APOL5: variants seen among roughly 807,000 people sequenced by gnomAD.
APOL5 encodes apolipoprotein L5.
A neutral mutation model predicts 35.5 loss-of-function variants in APOL5; 29 were observed. The observed-to-expected ratio is 0.82, with a 90% CI of 0.61 to 1.11. The LOEUF is 1.11. APOL5 is among the 50% of genes most tolerant of loss of function. The pLI, the probability that APOL5 is intolerant of heterozygous loss-of-function variation, is 0.00. For missense variants in APOL5, 514 were observed against 530.4 expected, an observed-to-expected ratio of 0.97 and a Z score of 0.30; for synonymous variants, 188 against 200.2, an observed-to-expected ratio of 0.94 and a Z score of 0.51.
At chr22:35,714,365 T>C (rs1379767963), upstream of APOL5, among the ~76,000 whole-genome samples, 1 of 152,200 alleles carries the variant, frequency 6.6e-6, no homozygotes, top group South Asian at 2.1e-4. Context: ...CCTGCAACTC[T>C]TAATGGGTCC....
upstream of APOL5, among the ~76,000 whole-genome samples, chr22:35,714,010 C>T (rs1445140588): frequency 2.0e-5 from 3 of 152,120 alleles, no homozygotes; most frequent in Non-Finnish European, 2.9e-5. Context: ...ATACTCAAGT[C>T]AGAATACAAC....
At chr22:35,729,024 C>A in intron 4 of APOL5, 120 bp downstream of exon 4, 1 of 1,174,474 alleles carries the variant, frequency 8.5e-7, no homozygotes, top group East Asian at 3.0e-5. Flanking sequence ...GAGGTTGTTG[C>A]TACCTTTCCA....
At chr22:35,717,408 GAA>G (rs71191390), upstream of APOL5, among the ~76,000 whole-genome samples, 27 of 139,328 alleles carry the variant, frequency 1.9e-4, no homozygotes, top group South Asian at 4.6e-4. Flanking sequence ...CCAAATGAAA[GAA>G]AAAAAAAAAA....
chr22:35,717,967 G>T, intron 1 of APOL5, 41 bp downstream of exon 1: 1 of 1,488,752 alleles, frequency 6.7e-7, no homozygotes, highest in South Asian at 1.4e-5. Flanking sequence ...CAATTCTCAC[G>T]TTGTACAAAT....
chr22:35,709,719 T>A, the APOL5 span, among the ~76,000 whole-genome samples: 7 of 152,236 alleles, frequency 4.6e-5, no homozygotes, highest in Non-Finnish European at 1.0e-4. Context: ...TTATTCCATA[T>A]GTTTTTGCTA....
Position 35,720,637 on chromosome 22 carries a change from C to A in APOL5, c.125C>A (p.Ser42Tyr). The part of the protein sequence containing the change: ...VIYGGEVWGK[S>Y]PEPEFPSLVN... ...TACGGAGGTGAGGTCTGGGGGAAGT[C>A]CCCAGAACCTGAGTTCCGTGAGGGC... is the stretch of plus-strand genomic sequence containing the variant. Residue 42 changes from serine to tyrosine, a missense_variant, in exon 2 of 5, where the codon TCC becomes TAC. Physicochemically the swap from Ser to Tyr is moderately radical, Grantham distance 144. Coordinates refer to ENST00000249044, the MANE Select transcript of APOL5 (RefSeq NM_030642.1). 1 of 1,613,454 alleles carries A rather than the reference C, an allele frequency of 6.2e-7. No individual in the cohort carries two copies. The highest frequency in any genetic ancestry group is 8.5e-7 in the Non-Finnish European group (1 of 1,179,556).
chr22:35,713,527 T>C (rs1926650554), upstream of APOL5, among the ~76,000 whole-genome samples: 1 of 152,192 alleles, frequency 6.6e-6, no homozygotes. Context: ...TTTTATCTGT[T>C]TACGAATTCC....
chr22:35,718,864 C>G (rs1383862743), intron 1 of APOL5, among the ~76,000 whole-genome samples: 2 of 152,046 alleles, frequency 1.3e-5, no homozygotes, highest in African/African-American at 4.8e-5. Flanking sequence ...TTGAGACCAG[C>G]CTGGCCAACA....
chr22:35,726,269 C>T lies in APOL5; in HGVS notation c.201C>T (p.His67=). ...WKINNLMSTV[H]SDEAGMLSYF... ...TTAACAATTTGATGTCAACTGTCCA[C>T]AGTGATGAGGCTGGTATGCTGTCCT... Residue 67 remains histidine (H), a synonymous_variant, in exon 3 of 5, where the codon CAC becomes CAT. Coordinates refer to ENST00000249044, the MANE Select transcript of APOL5 (RefSeq NM_030642.1). 6.2e-7 allele frequency: 1 copy of T among 1,614,094 alleles called. No homozygotes were observed. The highest frequency in any genetic ancestry group is 1.1e-5 in the South Asian group (1 of 91,076).
At chr22:35,713,330 T>C (rs550908233), upstream of APOL5, among the ~76,000 whole-genome samples, 13 of 152,342 alleles carry the variant, frequency 8.5e-5, no homozygotes, top group Admixed American at 6.5e-4. Flanking sequence ...TTCTGAGAGT[T>C]GCTGTACTAT....
intron 3 of APOL5, 81 bp downstream of exon 3, chr22:35,727,275 A>G: frequency 6.5e-7 from 1 of 1,527,642 alleles, no homozygotes; most frequent in South Asian, 1.2e-5. Flanking sequence ...CGAATGCTAA[A>G]CGGACACATC....
chr22:35,714,774 G>T (rs1223643423), upstream of APOL5, among the ~76,000 whole-genome samples: 1 of 152,220 alleles, frequency 6.6e-6, no homozygotes, highest in African/African-American at 2.4e-5. Context: ...TGTTGAGAGA[G>T]GAGGCAGGAG....
chr22:35,726,937 G>T lies in APOL5; in HGVS notation c.869G>T (p.Gly290Val). Residue 290 changes from glycine (G) to valine (V), a missense_variant, in exon 3 of 5, where the codon GGT (glycine) becomes GTT (valine). Gly to Val is a moderately radical substitution (Grantham distance 109). Coordinates refer to ENST00000249044, the MANE Select transcript of APOL5 (RefSeq NM_030642.1). ...FEGTTLAMTN[G>V]AWVMGAAGAG... ...GGCACAACTCTGGCCATGACCAATGGTGCCTGGGTGATGGGTGCTGCTGGG... is the reference window on the plus strand; with the variant it reads ...GGCACAACTCTGGCCATGACCAATGTTGCCTGGGTGATGGGTGCTGCTGGG... 1 of 1,614,230 alleles carries T rather than the reference G, an allele frequency of 6.2e-7. No homozygotes were observed. Among genetic ancestry groups the T allele is most frequent in the Admixed American group, 1.7e-5 (1 of 60,026 alleles).
At chr22:35,717,768 G>GAAA (rs1555930162), upstream of APOL5, 12 of 412,160 alleles carry the variant, frequency 2.9e-5, no homozygotes, top group Middle Eastern at 6.6e-4. Flanking sequence ...GAAAAGAAAA[G>GAAA]AAAAAAAAAT....
chr22:35,728,487 G>C (rs1293167811), intron 3 of APOL5, among the ~76,000 whole-genome samples: 1 of 152,160 alleles, frequency 6.6e-6, no homozygotes, highest in African/African-American at 2.4e-5. Context: ...CCTCCCAAAG[G>C]GCTGGGATTA....
upstream of APOL5, among the ~76,000 whole-genome samples, chr22:35,717,466 G>A (rs547887736): frequency 1.7e-4 from 25 of 149,972 alleles, no homozygotes; most frequent in South Asian, 3.2e-3. Context: ...GCAGCTGAGC[G>A]CAGTGGCTCA....
the APOL5 span, among the ~76,000 whole-genome samples, chr22:35,708,611 T>TA: frequency 1.3e-5 from 2 of 152,074 alleles, no homozygotes; most frequent in Non-Finnish European, 2.9e-5. Context: ...TCGCTTGGAT[T>TA]AAAAAGGGGG....
At chr22:35,708,519 A>T in the APOL5 span, among the ~76,000 whole-genome samples, 2 of 152,178 alleles carry the variant, frequency 1.3e-5, no homozygotes, top group Admixed American at 1.3e-4. Context: ...TAAGGTCTCC[A>T]GGGAATGATT....
intron 1 of APOL5, among the ~76,000 whole-genome samples, chr22:35,719,759 C>A (rs1926894871): frequency 6.6e-6 from 1 of 152,114 alleles, no homozygotes; most frequent in African/African-American, 2.4e-5. Context: ...AGCTCCCGAG[C>A]CCCAGTGAGC....
Sources: allele counts gnomAD v4.1 joint callset (sites outside exome capture counted in the v4.1 genomes callset), GRCh38; gene constraint gnomAD v4.1.1; transcripts MANE v1.5; gene names NCBI Gene and HGNC (gene_info 2026-07-23, HGNC 2026-07-21).